CCNJL: variants seen among roughly 807,000 people sequenced by gnomAD.
CCNJL encodes the protein cyclin J like.
Under a neutral mutation model 33.4 loss-of-function variants are expected in CCNJL, and 33 were observed. The ratio of observed to expected loss-of-function variants is 0.99; its 90% CI spans 0.75 to 1.32. The LOEUF (loss-of-function observed/expected upper bound fraction) is 1.32, where lower values mean the gene tolerates loss of function less well. CCNJL is among the 40% of genes most tolerant of loss of function. The probability of loss-of-function intolerance (pLI) is 0.00; values close to 1 mark genes in which losing one functional copy is unlikely to be tolerated. For synonymous variants in CCNJL, 227 were observed against 220.9 expected (o/e 1.03, Z -0.24); for missense variants, 512 against 499.7 (o/e 1.02, Z -0.23).
chr5:160,333,522 T>C (rs1196557750), intron 1 of CCNJL, among the ~76,000 whole-genome samples: 3 of 150,360 alleles, frequency 2.0e-5, no homozygotes, highest in African/African-American at 7.4e-5. Context: ...GCCTAGGAGG[T>C]CAAGGCTGCA....
At chr5:160,321,610 A>G (rs867608271) in intron 1 of CCNJL, among the ~76,000 whole-genome samples, 4 of 152,210 alleles carry the variant, frequency 2.6e-5, no homozygotes, top group Non-Finnish European at 5.9e-5. Context: ...CGCAAGTATC[A>G]TTCTCCTTGT....
intron 2 of CCNJL, among the ~76,000 whole-genome samples, chr5:160,306,790 C>T (rs1404346539): frequency 2.0e-5 from 3 of 152,194 alleles, no homozygotes; most frequent in Non-Finnish European, 4.4e-5. Flanking sequence ...AAAACAGGAC[C>T]TCCTGTTAGA....
At chr5:160,258,837 C>T (rs549771166) in intron 4 of CCNJL, among the ~76,000 whole-genome samples, 22 of 152,318 alleles carry the variant, frequency 1.4e-4, no homozygotes, top group African/African-American at 5.1e-4. Flanking sequence ...GCTGGGACTA[C>T]AGGCATGCAC....
upstream of CCNJL, among the ~76,000 whole-genome samples, chr5:160,314,988 C>T (rs1763362929): frequency 6.6e-6 from 1 of 151,986 alleles, no homozygotes; most frequent in Non-Finnish European, 1.5e-5. Flanking sequence ...TTATTTGATC[C>T]AACTCTTCCA....
chr5:160,295,718 G>A (rs979104227), intron 2 of CCNJL, among the ~76,000 whole-genome samples: 1 of 152,148 alleles, frequency 6.6e-6, no homozygotes, highest in African/African-American at 2.4e-5. Flanking sequence ...GAAGACCACG[G>A]ATAAAATGCC....
rs555733762 is a variant in CCNJL at position 160,287,924 on chromosome 5, G to C, written c.67-7186C>G. 1.5e-4 allele frequency among the ~76,000 whole-genome samples: 23 copies of C among 152,252 alleles called. No homozygotes were observed. The East Asian group carries it at 4.3e-3, about 28-fold the overall frequency. On this transcript the variant is annotated intron_variant, in intron 2 of 5. Transcript: ENST00000257536. ...GGGCTGAGGTGGGAGGGGAGGGAAG[G>C]GCAGAGGCTTCCTGATCACTCTCCC...
intron 2 of CCNJL, among the ~76,000 whole-genome samples, chr5:160,304,280 A>G (rs908066350): frequency 5.3e-5 from 8 of 152,172 alleles, no homozygotes; most frequent in Admixed American, 5.2e-4. Context: ...CGGGTGAAGC[A>G]CTGCAGTCAG....
chr5:160,272,571 G>C (rs563903859), intron 3 of CCNJL, among the ~76,000 whole-genome samples: 1 of 152,316 alleles, frequency 6.6e-6, no homozygotes, highest in East Asian at 1.9e-4. Flanking sequence ...GGCCGGGATG[G>C]AGAAGAGACA....
chr5:160,291,854 G>A (rs1046477804), intron 2 of CCNJL, among the ~76,000 whole-genome samples: 2 of 152,114 alleles, frequency 1.3e-5, no homozygotes, highest in East Asian at 1.9e-4. Flanking sequence ...GTCCTGCCTT[G>A]GGAGGTCCAG....
At chr5:160,318,950 T>G (rs1228941832) in intron 1 of CCNJL, among the ~76,000 whole-genome samples, 3 of 152,232 alleles carry the variant, frequency 2.0e-5, no homozygotes, top group Non-Finnish European at 4.4e-5. Context: ...AAATAGCATA[T>G]TTTAAAAATA....
chr5:160,329,252 TAA>T (rs1171568131), intron 1 of CCNJL, among the ~76,000 whole-genome samples: 5 of 151,840 alleles, frequency 3.3e-5, no homozygotes, highest in Non-Finnish European at 7.4e-5. Context: ...GTAGTCAAAC[TAA>T]ACTTAGAAAC....
intron 1 of CCNJL, among the ~76,000 whole-genome samples, chr5:160,320,734 TA>T (rs1348862956): frequency 6.6e-6 from 1 of 152,254 alleles, no homozygotes; most frequent in Non-Finnish European, 1.5e-5. Context: ...CTCCTGATTT[TA>T]AAATACTGGC....
At position 160,275,014 on chromosome 5, in the gene CCNJL, AT is replaced by A. The variant is rs1761961210; in HGVS notation, c.280+5510del. Among the ~76,000 whole-genome samples, 3 of 151,620 alleles carry A rather than the reference AT, an allele frequency of 2.0e-5. No individual in the cohort carries two copies. In the South Asian group the frequency reaches 6.2e-4, roughly 31 times the overall value. Reference sequence around the variant, plus strand: ...TGTGTAGGGGTGTAATCTATGATTCATTTTCCCCCCATAAATGAAAATAAAT... The same window carrying A: ...TGTGTAGGGGTGTAATCTATGATTCATTTCCCCCCATAAATGAAAATAAAT... On this transcript the variant is annotated intron_variant, in intron 3 of 5. Transcript: ENST00000257536.
In CCNJL at chr5:160,253,590, A is replaced by C; in HGVS notation, c.952T>G (p.Ser318Ala). ...AYRDSLQAHR[S>A]GSLLSGSTGS... Reference sequence around the variant, plus strand: ...GTACTCCCCGAGAGCAGGCTCCCTGAACGGTGGGCCTGCAAGGAGTCCCGA... The same window carrying C: ...GTACTCCCCGAGAGCAGGCTCCCTGCACGGTGGGCCTGCAAGGAGTCCCGA... The change falls in exon 6 of 6, where the codon TCA becomes GCA. Residue 318 changes from serine (S) to alanine (A), a missense_variant. By Grantham distance (99) the Ser-to-Ala change is moderately conservative (BLOSUM62 1). Coordinates refer to ENST00000257536, the MANE Select transcript of CCNJL (RefSeq NM_001308173.3). 6.2e-7 allele frequency: 1 copy of C among 1,613,888 alleles called. No homozygotes were observed. Among genetic ancestry groups the C allele is most frequent in the South Asian group, 1.1e-5 (1 of 91,022 alleles).
rs1182218940 is a variant in CCNJL at position 160,250,352 on chromosome 5, C to G, written c.*3026G>C. On this transcript the variant is annotated 3_prime_UTR_variant, in exon 6 of 6. Coordinates refer to ENST00000257536, the MANE Select transcript of CCNJL (RefSeq NM_001308173.3). The stretch of plus-strand genomic sequence containing the variant: ...CCCCAAAACTTAGAGCTTCCTGCCT[C>G]ACCTAGCCTTGCACACAGCGGGTGG... 1 of 152,296 alleles carries G rather than the reference C, an allele frequency of 6.6e-6. No individual in the cohort carries two copies. The highest frequency in any genetic ancestry group is 2.4e-5 in the African/African-American group (1 of 41,468). 9.4% of individuals were successfully genotyped at this position (152,296 alleles called of 1,614,324 possible). A position where few individuals can be genotyped will look rare whatever the true frequency, so the allele number is the denominator to read the frequency against.
intron 1 of CCNJL, 106 bp downstream of exon 1, chr5:160,312,258 C>A: frequency 2.7e-6 from 1 of 368,606 alleles, no homozygotes; most frequent in Non-Finnish European, 5.0e-6. Context: ...TCGCTCGAGG[C>A]TGGGGCTCTG....
rs1446155757 is a variant in CCNJL, at chr5:160,253,312, C to G, written c.*66G>C. The G allele has an allele frequency of 1.4e-6, 2 of 1,477,396 alleles. No homozygotes were observed. Among genetic ancestry groups the G allele is most frequent in the African/African-American group, 1.4e-5 (1 of 71,260 alleles). The allele number at this position is 1,477,396 out of a possible 1,614,324, so 91.5% of individuals were successfully genotyped here. A position where few individuals can be genotyped will look rare whatever the true frequency, so the allele number is the denominator to read the frequency against. ...TCCTGCTGCCTCACTTGGCTGAGCT[C>G]TCCTCTTCAGTGTCCTCTTCCTCTG... On this transcript the variant is annotated 3_prime_UTR_variant, in exon 6 of 6. Transcript: ENST00000257536.
intron 2 of CCNJL, among the ~76,000 whole-genome samples, chr5:160,298,034 T>C (rs1762803961): frequency 6.6e-6 from 1 of 152,190 alleles, no homozygotes; most frequent in Non-Finnish European, 1.5e-5. Context: ...TCCTCTGCTC[T>C]ATGTGTGCCT....
intron 4 of CCNJL, chr5:160,258,392 C>G: frequency 1.2e-6 from 1 of 801,506 alleles, no homozygotes; most frequent in Non-Finnish European, 2.2e-6. Context: ...GTGAAAGAAG[C>G]CATAAGAAGG....
Sources: gnomAD v4.1 joint callset for allele counts (sites outside exome capture counted in the v4.1 genomes callset) on GRCh38, gnomAD v4.1.1 for gene constraint, MANE v1.5 for transcripts, NCBI Gene and HGNC (gene_info 2026-07-23, HGNC 2026-07-21) for gene names.